TP63: variants seen among roughly 807,000 people sequenced by gnomAD.
TP63 encodes the protein tumor protein p63.
Under a neutral mutation model 82.8 loss-of-function variants are expected in TP63, and 17 were observed. That is an observed-to-expected ratio of 0.21 (90% CI 0.14 to 0.31). TP63 has a LOEUF of 0.31. Among genes scored for constraint, TP63 ranks in the 10% least tolerant of loss-of-function variants. The pLI is 1.00. For missense variants in TP63, 648 were observed against 895.3 expected, an observed-to-expected ratio of 0.72 and a Z score of 3.52; for synonymous variants, 330 against 321.7, an observed-to-expected ratio of 1.03 and a Z score of -0.28.
At chr3:189,635,945 G>C (rs1230745795) in intron 1 of TP63, among the ~76,000 whole-genome samples, 4 of 152,124 alleles carry the variant, frequency 2.6e-5, no homozygotes, top group Admixed American at 2.6e-4. Flanking sequence ...ATTTCAATGA[G>C]CACACTGGCT....
chr3:189,823,490 C>T (rs572461218), intron 4 of TP63, among the ~76,000 whole-genome samples: 145 of 152,180 alleles, frequency 9.5e-4, no homozygotes, highest in African/African-American at 1.9e-3. Flanking sequence ...AGCACTCAGT[C>T]GGTGATGTGG....
intron 9 of TP63, 30 bp downstream of exon 9, chr3:189,869,436 T>C: frequency 1.3e-6 from 2 of 1,592,676 alleles, no homozygotes; most frequent in Non-Finnish European, 1.7e-6. Context: ...TCATGGTTGC[T>C]TCATTTTAAC....
chr3:189,829,220 A>G (rs1711918906), intron 4 of TP63, among the ~76,000 whole-genome samples: 3 of 152,348 alleles, frequency 2.0e-5, no homozygotes, highest in South Asian at 4.1e-4. Context: ...TCACCTGTCT[A>G]CAGACCCAAG....
chr3:189,831,818 CTTTTTTTTTTTTT>C (rs1156431272), intron 4 of TP63, among the ~76,000 whole-genome samples: 16 of 73,172 alleles, frequency 2.2e-4, no homozygotes, highest in African/African-American at 5.7e-4. Flanking sequence ...CTATTATGCT[CTTTTTTTTTTTTT>C]TTTTTTTTTT....
In TP63 at chr3:189,757,906, T is replaced by A. The variant is rs191286263; in HGVS notation, c.324+19132T>A. On this transcript the variant is annotated intron_variant, in intron 3 of 13. Coordinates refer to ENST00000264731, the MANE Select transcript of TP63 (RefSeq NM_003722.5). ...AACCTTAAACTAGTGATCAGCAGCT[T>A]CCCAAAAAGACCTCAGGAGTTGGGT... is the stretch of plus-strand genomic sequence containing the variant. Among the ~76,000 whole-genome samples the A allele has an allele frequency of 1.2e-3, 180 of 151,176 alleles. 1 individual carries two copies. Among genetic ancestry groups the A allele is most frequent in the African/African-American group, 4.0e-3 (166 of 41,486 alleles).
chr3:189,763,208 A>G (rs1219086066), intron 3 of TP63, among the ~76,000 whole-genome samples: 2 of 152,200 alleles, frequency 1.3e-5, no homozygotes, highest in Non-Finnish European at 2.9e-5. Flanking sequence ...TGGGAGGTCA[A>G]GGCTGCAGTG....
chr3:189,651,430 C>T (rs1163070967), intron 1 of TP63, among the ~76,000 whole-genome samples: 1 of 145,586 alleles, frequency 6.9e-6, no homozygotes, highest in African/African-American at 2.6e-5. Flanking sequence ...CTTGTAATCT[C>T]AGCTACTTAG....
chr3:189,875,634 AT>A, intron 10 of TP63, among the ~76,000 whole-genome samples: 1 of 131,142 alleles, frequency 7.6e-6, no homozygotes, highest in East Asian at 2.3e-4. Context: ...ATATATATAT[AT>A]ATAAACTATT....
At chr3:189,890,243 A>T (rs896614325) in intron 12 of TP63, among the ~76,000 whole-genome samples, 1 of 152,180 alleles carries the variant, frequency 6.6e-6, no homozygotes, top group Admixed American at 6.5e-5. Flanking sequence ...CTGTTCTGTA[A>T]TGATGGTGGC....
chr3:189,821,333 C>A (rs1052708996), intron 4 of TP63, among the ~76,000 whole-genome samples: 3 of 152,190 alleles, frequency 2.0e-5, no homozygotes, highest in African/African-American at 7.2e-5. Flanking sequence ...CACTTCACAG[C>A]GCTTAGATTT....
At chr3:189,630,929 A>G (rs1729429700), upstream of TP63, among the ~76,000 whole-genome samples, 1 of 152,086 alleles carries the variant, frequency 6.6e-6, no homozygotes, top group East Asian at 1.9e-4. Flanking sequence ...GGAGGGAAAT[A>G]GATGAAAAAA....
intron 3 of TP63, among the ~76,000 whole-genome samples, chr3:189,807,817 A>G (rs990761248): frequency 6.6e-6 from 1 of 152,338 alleles, no homozygotes; most frequent in African/African-American, 2.4e-5. Context: ...TTTGCCCCCT[A>G]TGCAACAATT....
chr3:189,695,915 C>T (rs1446675842), intron 1 of TP63, among the ~76,000 whole-genome samples: 4 of 152,108 alleles, frequency 2.6e-5, no homozygotes, highest in African/African-American at 9.7e-5. Context: ...GATTCGCTAA[C>T]TTCAGAGTTA....
intron 3 of TP63, among the ~76,000 whole-genome samples, chr3:189,807,469 G>A (rs1359499565): frequency 1.3e-5 from 2 of 152,146 alleles, no homozygotes; most frequent in Non-Finnish European, 2.9e-5. Flanking sequence ...AAAACGTTTG[G>A]CAGAAGGAAA....
chr3:189,775,115 G>T (rs1253156355), intron 3 of TP63, among the ~76,000 whole-genome samples: 1 of 151,818 alleles, frequency 6.6e-6, no homozygotes, highest in Non-Finnish European at 1.5e-5. Context: ...AGCTCCTTGG[G>T]AGGCTGAGGC....
chr3:189,834,522 A>G (rs1712834193), intron 4 of TP63, among the ~76,000 whole-genome samples: 1 of 152,090 alleles, frequency 6.6e-6, no homozygotes, highest in Non-Finnish European at 1.5e-5. Context: ...TTCCATTAGG[A>G]ATTTCTACCA....
chr3:189,809,820 C>A (rs535637950), intron 4 of TP63, among the ~76,000 whole-genome samples: 1 of 152,200 alleles, frequency 6.6e-6, no homozygotes, highest in East Asian at 1.9e-4. Context: ...TGTGAAGTAC[C>A]CAGGACAAGT....
intron 4 of TP63, among the ~76,000 whole-genome samples, chr3:189,812,375 A>G (rs569714208): frequency 3.9e-5 from 6 of 152,334 alleles, no homozygotes; most frequent in African/African-American, 1.4e-4. Flanking sequence ...ACACACATAC[A>G]TACACGACAA....
chr3:189,793,459 G>A (rs190167536), intron 3 of TP63, among the ~76,000 whole-genome samples: 286 of 152,092 alleles, frequency 1.9e-3, no homozygotes, highest in Middle Eastern at 3.4e-3. Context: ...CAATGACTAT[G>A]GACAGAATTT....
Sources: gnomAD v4.1 joint callset for allele counts (sites outside exome capture counted in the v4.1 genomes callset) on GRCh38, gnomAD v4.1.1 for gene constraint, MANE v1.5 for transcripts, NCBI Gene and HGNC (gene_info 2026-07-23, HGNC 2026-07-21) for gene names.